The following TMEM184C variants were observed in gnomAD, a reference collection of about 807,000 sequenced individuals.
The protein encoded by TMEM184C is transmembrane protein 34.
A neutral mutation model predicts 54.5 loss-of-function variants in TMEM184C; 25 were observed. The observed-to-expected ratio is 0.46, with a 90% confidence interval of 0.33 to 0.64. The LOEUF (loss-of-function observed/expected upper bound fraction) is 0.64. Ranked by LOEUF, TMEM184C falls within the 30% of genes least tolerant of loss-of-function variation. TMEM184C has a pLI of 0.02. For missense variants in TMEM184C, 335 were observed against 520.3 expected, an observed-to-expected ratio of 0.64 and a Z score of 3.46; for synonymous variants, 148 against 181.5, an observed-to-expected ratio of 0.82 and a Z score of 1.49.
intron 6 of TMEM184C, among the ~76,000 whole-genome samples, chr4:147,630,787 G>T (rs1314789541): frequency 6.6e-6 from 1 of 151,938 alleles, no homozygotes; most frequent in African/African-American, 2.4e-5. Flanking sequence ...CATTTTATAT[G>T]ATTTTAATAG....
At chr4:147,621,745 T>C (rs555740370) in intron 1 of TMEM184C, among the ~76,000 whole-genome samples, 1 of 152,242 alleles carries the variant, frequency 6.6e-6, no homozygotes, top group East Asian at 1.9e-4. Context: ...ACTGTAAAAA[T>C]GATATTATGT....
rs183169851 is a variant in TMEM184C, at chr4:147,622,196, G to C, written c.124-1638G>C. Among the ~76,000 whole-genome samples the C allele has an allele frequency of 6.4e-4, 97 of 151,940 alleles. 1 individual carries two copies. Among genetic ancestry groups the C allele is most frequent in the Middle Eastern group, 3.4e-3 (1 of 292 alleles). On this transcript the variant is annotated intron_variant, in intron 1 of 9. Coordinates refer to ENST00000296582, the MANE Select transcript of TMEM184C (RefSeq NM_018241.3). ...GGACTCAAACCATCTGCCCTCCTCA[G>C]CCTCACAAAGTGTTGGGATTACAGG...
chr4:147,623,881 G>A lies in TMEM184C; in HGVS notation c.171G>A (p.Leu57=), dbSNP rs1375276254. Residue 57 remains leucine (L), a synonymous_variant, in exon 2 of 10, where the codon CTG becomes CTA. Coordinates refer to ENST00000296582, the MANE Select transcript of TMEM184C (RefSeq NM_018241.3). ...KAWFIAGIFL[L]LTIPISLWVI... is the part of the protein sequence containing the mutation. ...GGTTTATTGCTGGAATCTTTTTGCTGTTGACTATTCCTATATCACTGTGGG... is the reference window on the plus strand; with the variant it reads ...GGTTTATTGCTGGAATCTTTTTGCTATTGACTATTCCTATATCACTGTGGG... 1.2e-6 allele frequency: 2 copies of A among 1,613,832 alleles called. No individual in the cohort carries two copies. The highest frequency in any genetic ancestry group is 1.3e-5 in the African/African-American group (1 of 74,890).
intron 7 of TMEM184C, 48 bp from the exon 8 acceptor site, chr4:147,632,855 A>G: frequency 6.4e-7 from 1 of 1,555,028 alleles, no homozygotes; most frequent in Non-Finnish European, 8.8e-7. Context: ...ACTACTGCTC[A>G]TTTTATGCTT....
intron 5 of TMEM184C, among the ~76,000 whole-genome samples, chr4:147,629,283 GT>G (rs202162985): frequency 1.5e-4 from 23 of 150,720 alleles, no homozygotes; most frequent in African/African-American, 4.9e-4. Context: ...CAGCATAGTT[GT>G]TTTTTTTTAA....
chr4:147,626,903 G>A (rs1732824594), intron 4 of TMEM184C, among the ~76,000 whole-genome samples: 1 of 152,214 alleles, frequency 6.6e-6, no homozygotes, highest in Non-Finnish European at 1.5e-5. Context: ...AGGCAACAAG[G>A]ACAAATGGGC....
In TMEM184C at chr4:147,626,582, C is replaced by G. The variant is rs79891228; in HGVS notation, c.497+1573C>G. Among the ~76,000 whole-genome samples the G allele has an allele frequency of 5.7e-4, 87 of 152,282 alleles. 1 individual carries two copies. In the East Asian group the frequency reaches 0.014, roughly 25 times the overall value. On this transcript the variant is annotated intron_variant, in intron 4 of 9. Transcript: ENST00000296582. ...TACAACGTCCTGACAAATTTTGTCTCTATTTACACCCTTGAAATGACAGGG... is the reference window on the plus strand; with the variant it reads ...TACAACGTCCTGACAAATTTTGTCTGTATTTACACCCTTGAAATGACAGGG...
chr4:147,625,999 G>C (rs1427699965), intron 4 of TMEM184C, among the ~76,000 whole-genome samples: 1 of 152,112 alleles, frequency 6.6e-6, no homozygotes, highest in Non-Finnish European at 1.5e-5. Flanking sequence ...ATCATAGGGA[G>C]TCAAAGCTGT....
chr4:147,631,471 C>A lies in TMEM184C; in HGVS notation c.745C>A (p.Leu249Ile), dbSNP rs537483866. Reference sequence around the variant, plus strand: ...CCCAATCCAACCTGTTGGCAAATTTCTTTGTGTAAAGCTGGTGGTTTTTGT... The same window carrying A: ...CCCAATCCAACCTGTTGGCAAATTTATTTGTGTAAAGCTGGTGGTTTTTGT... Reference protein sequence around the residue: ...LSPIQPVGKFLCVKLVVFVSF... With the variant: ...LSPIQPVGKFICVKLVVFVSF... The change falls in exon 7 of 10, where the codon CTT becomes ATT. Residue 249 changes from leucine (L) to isoleucine (I), a missense_variant. Transcript: ENST00000296582. 1.9e-6 allele frequency: 3 copies of A among 1,607,296 alleles called. No homozygotes were observed. The highest frequency in any genetic ancestry group is 2.7e-5 in the African/African-American group (2 of 74,438).
rs953904887 is a variant in TMEM184C at position 147,635,212 on chromosome 4, T to G, written c.*778T>G. On this transcript the variant is annotated 3_prime_UTR_variant, in exon 10 of 10. Coordinates refer to ENST00000296582, the MANE Select transcript of TMEM184C (RefSeq NM_018241.3). ...TGAATGTCTTTCAATAAATAAGAAT[T>G]TATCATTTATTTTCTGCAACTTTTT... is the stretch of plus-strand genomic sequence containing the variant. The G allele has an allele frequency of 1.3e-5, 2 of 152,148 alleles. No individual in the cohort carries two copies. The highest frequency in any genetic ancestry group is 4.8e-5 in the African/African-American group (2 of 41,438). 9.4% of individuals were successfully genotyped at this position (152,148 alleles called of 1,614,324 possible).
Position 147,634,531 on chromosome 4 carries a change from T to C in TMEM184C, c.*97T>C. On this transcript the variant is annotated 3_prime_UTR_variant, in exon 10 of 10. Transcript: ENST00000296582. ...GGGACAGACCATAAATGATGGAAAATGTCAACACAAAAATAGCTGAAAGCC... is the reference window on the plus strand; with the variant it reads ...GGGACAGACCATAAATGATGGAAAACGTCAACACAAAAATAGCTGAAAGCC... 7.1e-7 allele frequency: 1 copy of C among 1,399,000 alleles called. No individual in the cohort carries two copies. The highest frequency in any genetic ancestry group is 2.3e-5 in the East Asian group (1 of 42,688). 86.7% of individuals were successfully genotyped at this position (1,399,000 alleles called of 1,614,324 possible). A position where few individuals can be genotyped will look rare whatever the true frequency, so the allele number is the denominator to read the frequency against.
intron 4 of TMEM184C, 124 bp from the exon 5 acceptor site, chr4:147,628,237 C>A: frequency 1.4e-6 from 1 of 715,092 alleles, no homozygotes; most frequent in South Asian, 1.8e-5. Flanking sequence ...AGGATGACTA[C>A]ATTGAAAGAA....
Position 147,634,651 on chromosome 4 carries a change from G to T in TMEM184C, c.*217G>T. The T allele has an allele frequency of 1.9e-6, 1 of 516,882 alleles. No homozygotes were observed. The highest frequency in any genetic ancestry group is 3.4e-6 in the Non-Finnish European group (1 of 296,476). The allele number at this position is 516,882 out of a possible 1,614,324, so 32.0% of individuals were successfully genotyped here. A position where few individuals can be genotyped will look rare whatever the true frequency, so the allele number is the denominator to read the frequency against. ...TTAGACTTGATTTCTTAACATTAGG[G>T]TATCGCATACTCAAATGGTAGACAA... is the stretch of plus-strand genomic sequence containing the variant. On this transcript the variant is annotated 3_prime_UTR_variant, in exon 10 of 10. Coordinates refer to ENST00000296582, the MANE Select transcript of TMEM184C (RefSeq NM_018241.3).
chr4:147,620,583 T>C (rs1205242293), intron 1 of TMEM184C, among the ~76,000 whole-genome samples: 2 of 152,208 alleles, frequency 1.3e-5, no homozygotes, highest in Admixed American at 6.5e-5. Flanking sequence ...TGATGGTTTA[T>C]GGCCCCGGTA....
chr4:147,632,381 G>T (rs1413895301), intron 7 of TMEM184C, among the ~76,000 whole-genome samples: 2 of 151,856 alleles, frequency 1.3e-5, no homozygotes, highest in Non-Finnish European at 2.9e-5. Context: ...AAAAATTTTT[G>T]GAATTCGACA....
At chr4:147,631,182 A>T (rs991889614) in intron 6 of TMEM184C, among the ~76,000 whole-genome samples, 1 of 152,154 alleles carries the variant, frequency 6.6e-6, no homozygotes, top group Non-Finnish European at 1.5e-5. Flanking sequence ...CAGGAAGTGA[A>T]CACTTAAAAA....
At position 147,617,776 on chromosome 4, in the gene TMEM184C, A is replaced by AAGC. The variant is rs1560949738; in HGVS notation, c.-169_-167dup. 1.1e-5 allele frequency: 8 copies of AAGC among 743,880 alleles called. No individual in the cohort carries two copies. Among genetic ancestry groups the AAGC allele is most frequent in the Non-Finnish European group, 1.1e-5 (5 of 442,970 alleles). The allele number at this position is 743,880 out of a possible 1,614,324, so 46.1% of individuals were successfully genotyped here. A position where few individuals can be genotyped will look rare whatever the true frequency, so the allele number is the denominator to read the frequency against. On this transcript the variant is annotated 5_prime_UTR_variant, in exon 1 of 10. Transcript: ENST00000296582. ...GCACCCTGAGAGGCTACATTTGCAGAAGCAGCAGCAGCAGAAGACACAGCG... is the reference window on the plus strand; with the variant it reads ...GCACCCTGAGAGGCTACATTTGCAGAAGCAGCAGCAGCAGCAGAAGACACAGCG...
intron 1 of TMEM184C, among the ~76,000 whole-genome samples, chr4:147,621,243 T>A (rs1732702921): frequency 6.6e-6 from 1 of 152,188 alleles, no homozygotes; most frequent in African/African-American, 2.4e-5. Flanking sequence ...CAGGAAGACC[T>A]GGCCCAGAAA....
chr4:147,620,097 G>A (rs939460228), intron 1 of TMEM184C, among the ~76,000 whole-genome samples: 10 of 152,024 alleles, frequency 6.6e-5, no homozygotes, highest in Admixed American at 1.3e-4. Flanking sequence ...TTTCCTTTCC[G>A]TAGATATTAT....
Sources: allele counts gnomAD v4.1 joint callset (sites outside exome capture counted in the v4.1 genomes callset), GRCh38; gene constraint gnomAD v4.1.1; transcripts MANE v1.5; gene names NCBI Gene and HGNC (gene_info 2026-07-23, HGNC 2026-07-21).